TMEM144: variants seen among roughly 807,000 people sequenced by gnomAD.
TMEM144 encodes the protein transmembrane protein 144.
TMEM144 carries 39 observed loss-of-function variants against 43.6 expected under a neutral mutation model. The observed-to-expected ratio is 0.90, with a 90% CI of 0.69 to 1.17. The LOEUF (loss-of-function observed/expected upper bound fraction) is 1.17. TMEM144 is among the 50% of genes most tolerant of loss of function. TMEM144 has a pLI of 0.00. For missense variants in TMEM144, 417 were observed against 411.9 expected (o/e 1.01, Z -0.11); for synonymous variants, 154 against 133.6 (o/e 1.15, Z -1.06).
intron 12 of TMEM144, among the ~76,000 whole-genome samples, chr4:158,251,535 C>T (rs767973021): frequency 6.6e-6 from 1 of 152,214 alleles, no homozygotes; most frequent in Non-Finnish European, 1.5e-5. Context: ...AGGCCATGGG[C>T]TGATAAGACC....
intron 9 of TMEM144, 76 bp downstream of exon 9, chr4:158,237,719 T>C: frequency 9.9e-7 from 1 of 1,006,282 alleles, no homozygotes; most frequent in Non-Finnish European, 1.5e-6. Context: ...TAATAGTAAA[T>C]ATTGATGGGT....
chr4:158,249,547 T>G (rs150657312), intron 12 of TMEM144, among the ~76,000 whole-genome samples: 15 of 152,340 alleles, frequency 9.8e-5, no homozygotes, highest in African/African-American at 3.6e-4. Flanking sequence ...TCTAGGAGAC[T>G]GGACAGTTTT....
Position 158,240,312 on chromosome 4 carries a change from G to A in TMEM144, c.696G>A (p.Val232=). The change falls in exon 10 of 13, where the codon GTG becomes GTA. Residue 232 remains valine (V), a synonymous_variant. Coordinates refer to ENST00000296529, the MANE Select transcript of TMEM144 (RefSeq NM_018342.5). ...AGASQYDLDY[V]FAHFSGIFLT... ...GTCTATTTTCAGATTTAGACTATGT[G>A]TTTGCGCACTTCAGTGGCATCTTTC... 1.2e-6 allele frequency: 2 copies of A among 1,612,596 alleles called. No homozygotes were observed. The highest frequency in any genetic ancestry group is 8.5e-7 in the Non-Finnish European group (1 of 1,179,526).
chr4:158,228,362 T>G (rs1287971043), intron 6 of TMEM144, among the ~76,000 whole-genome samples: 3 of 143,982 alleles, frequency 2.1e-5, no homozygotes, highest in African/African-American at 5.3e-5. Flanking sequence ...TGTCAAGCAA[T>G]TCAAACCAAG....
chr4:158,236,021 C>T (rs1374004376), intron 8 of TMEM144, among the ~76,000 whole-genome samples: 1 of 152,180 alleles, frequency 6.6e-6, no homozygotes, highest in East Asian at 1.9e-4. Context: ...GAGTTGGGCT[C>T]AACATCAGCC....
rs200145191 is a variant in TMEM144 at position 158,244,312 on chromosome 4, C to A, written c.917C>A (p.Ala306Asp). The change falls in exon 12 of 13, where the codon GCT becomes GAT. Residue 306 changes from alanine (A) to aspartate (D), a missense_variant. Ala to Asp is a moderately radical substitution (Grantham distance 126). Coordinates refer to ENST00000296529, the MANE Select transcript of TMEM144 (RefSeq NM_018342.5). Reference sequence around the variant, plus strand: ...TTATTTAAGGGTCCAGGATTTATAGCTGCAATGTGGGGTATCTTCATGTTT... The same window carrying A: ...TTATTTAAGGGTCCAGGATTTATAGATGCAATGTGGGGTATCTTCATGTTT... ...PIITAGPGFI[A>D]AMWGIFMFKE... 7.5e-6 allele frequency: 12 copies of A among 1,605,590 alleles called. No individual in the cohort carries two copies. The highest frequency in any genetic ancestry group is 1.7e-4 in the Middle Eastern group (1 of 6,052).
chr4:158,226,289 T>C (rs1734764333), intron 6 of TMEM144, among the ~76,000 whole-genome samples: 1 of 152,202 alleles, frequency 6.6e-6, no homozygotes, highest in Admixed American at 6.5e-5. Flanking sequence ...ATTTATCCAA[T>C]TTTTAATGTT....
chr4:158,214,645 G>A (rs975102452), intron 3 of TMEM144, among the ~76,000 whole-genome samples: 3 of 152,076 alleles, frequency 2.0e-5, no homozygotes, highest in Non-Finnish European at 4.4e-5. Flanking sequence ...GGTTTATAAT[G>A]CCCGACTCAT....
chr4:158,253,624 C>A lies in TMEM144; in HGVS notation c.*97C>A. 1.1e-6 allele frequency: 1 copy of A among 946,844 alleles called. No homozygotes were observed. Among genetic ancestry groups the A allele is most frequent in the Non-Finnish European group, 1.6e-6 (1 of 616,368 alleles). The allele number at this position is 946,844 out of a possible 1,614,324, so 58.7% of individuals were successfully genotyped here. ...GAGAAAAGAGTGCATTTTCATATAG[C>A]AAATGGATCTCAGCCACTGTTGGAG... is the stretch of plus-strand genomic sequence containing the variant. On this transcript the variant is annotated 3_prime_UTR_variant, in exon 13 of 13. Transcript: ENST00000296529.
At position 158,253,500 on chromosome 4, in the gene TMEM144, C is replaced by T; in HGVS notation, c.1011C>T (p.Ala337=). 1 of 1,613,800 alleles carries T rather than the reference C, an allele frequency of 6.2e-7. No homozygotes were observed. Among genetic ancestry groups the T allele is most frequent in the Non-Finnish European group, 8.5e-7 (1 of 1,179,858 alleles). The change falls in exon 13 of 13, where the codon GCC becomes GCT. Residue 337 remains alanine (A), a synonymous_variant. Coordinates refer to ENST00000296529, the MANE Select transcript of TMEM144 (RefSeq NM_018342.5). ...CATTTTGCATCATCTTGACTGGAGC[C>T]TTATGCACTGCTTTTTCTAAAATCT... ...ILAFCIILTG[A]LCTAFSKI is the part of the protein sequence containing the mutation.
intron 8 of TMEM144, chr4:158,237,297 A>G (rs967673583): frequency 2.3e-6 from 1 of 440,034 alleles, no homozygotes; most frequent in African/African-American, 2.0e-5. Flanking sequence ...TAAATCATGT[A>G]CTTCTAAAAT....
intron 6 of TMEM144, among the ~76,000 whole-genome samples, chr4:158,222,424 C>T (rs1734553467): frequency 1.3e-5 from 2 of 152,194 alleles, no homozygotes; most frequent in South Asian, 2.1e-4. Flanking sequence ...CAGACATCTC[C>T]CTCAGCCTTG....
chr4:158,213,553 A>G (rs1214341392), intron 3 of TMEM144: 1 of 152,242 alleles, frequency 6.6e-6, no homozygotes, highest in Non-Finnish European at 1.5e-5. Flanking sequence ...ATGATTTTGC[A>G]TAGTGCAGTG....
At position 158,241,512 on chromosome 4, in the gene TMEM144, T is replaced by G. The variant is rs1735636775; in HGVS notation, c.806T>G (p.Phe269Cys). The G allele has an allele frequency of 3.1e-6, 5 of 1,613,316 alleles. No individual in the cohort carries two copies. The highest frequency in any genetic ancestry group is 3.4e-6 in the Non-Finnish European group (4 of 1,179,384). ...KLYPEAVLPGFLSGVLWAIAT... is the reference protein window; with the variant it reads ...KLYPEAVLPGCLSGVLWAIAT... ...GTGTGTTGTCTTTGTATTTCAGGAT[T>G]CCTGTCAGGAGTACTTTGGGCTATA... Residue 269 changes from phenylalanine (F) to cysteine (C), a missense_variant, in exon 11 of 13, where the codon TTC becomes TGC. Transcript: ENST00000296529.
intron 6 of TMEM144, among the ~76,000 whole-genome samples, chr4:158,223,397 A>T (rs1560824568): frequency 6.6e-6 from 1 of 152,208 alleles, no homozygotes; most frequent in Non-Finnish European, 1.5e-5. Context: ...GAAGTAAAAC[A>T]ATCAAGAGCC....
intron 8 of TMEM144, among the ~76,000 whole-genome samples, chr4:158,236,668 G>A (rs1735363905): frequency 6.6e-6 from 1 of 151,968 alleles, no homozygotes. Flanking sequence ...TCTTCTGTTT[G>A]GAAGGGTTTT....
intron 10 of TMEM144, 110 bp downstream of exon 10, chr4:158,240,528 G>GGTGT: frequency 8.2e-7 from 1 of 1,220,968 alleles, no homozygotes; most frequent in Middle Eastern, 2.4e-4. Context: ...GTGTATATGT[G>GGTGT]GTGTGTGTGT....
chr4:158,248,997 C>G (rs1736033631), intron 12 of TMEM144, among the ~76,000 whole-genome samples: 1 of 152,108 alleles, frequency 6.6e-6, no homozygotes, highest in Non-Finnish European at 1.5e-5. Flanking sequence ...AACTCCACCT[C>G]CTGGGTTCAA....
At chr4:158,246,095 G>A (rs905231911) in intron 12 of TMEM144, among the ~76,000 whole-genome samples, 5 of 152,100 alleles carry the variant, frequency 3.3e-5, no homozygotes, top group African/African-American at 1.2e-4. Context: ...GTAAGACCCT[G>A]TCTCCCTAAC....
Sources: allele counts gnomAD v4.1 joint callset (sites outside exome capture counted in the v4.1 genomes callset), GRCh38; gene constraint gnomAD v4.1.1; transcripts MANE v1.5; gene names NCBI Gene and HGNC (gene_info 2026-07-23, HGNC 2026-07-21).